ARHGEF7: variants seen among roughly 807,000 people sequenced by gnomAD.
ARHGEF7 encodes the protein Rho guanine nucleotide exchange factor 7.
In ARHGEF7, 33 loss-of-function variants were observed where a neutral mutation model predicts 109.8. The ratio of observed to expected loss-of-function variants is 0.30; its 90% CI spans 0.23 to 0.40. The LOEUF (loss-of-function observed/expected upper bound fraction) is 0.40, where lower values mean the gene tolerates loss of function less well. Among genes scored for constraint, ARHGEF7 ranks in the 10% least tolerant of loss-of-function variants. ARHGEF7 has a pLI of 1.00. For synonymous variants in ARHGEF7, 458 were observed against 424.6 expected, an observed-to-expected ratio of 1.08 and a Z score of -0.97; for missense variants, 938 against 1,098.5, an observed-to-expected ratio of 0.85 and a Z score of 2.07.
chr13:111,232,146 T>G (rs139954827), intron 5 of ARHGEF7, among the ~76,000 whole-genome samples: 2 of 152,274 alleles, frequency 1.3e-5, no homozygotes, highest in Admixed American at 1.3e-4. Flanking sequence ...CAACCATTGA[T>G]AGACCCACCC....
At chr13:111,205,154 T>C in intron 2 of ARHGEF7, 135 bp from the exon 3 acceptor site, 1 of 613,600 alleles carries the variant, frequency 1.6e-6, no homozygotes, top group Non-Finnish European at 2.8e-6. Flanking sequence ...CTGAGCGTGC[T>C]GGTCTCCCTG....
At chr13:111,176,183 G>A (rs1226640717) in intron 2 of ARHGEF7, among the ~76,000 whole-genome samples, 1 of 152,206 alleles carries the variant, frequency 6.6e-6, no homozygotes, top group Non-Finnish European at 1.5e-5. Flanking sequence ...GCCCCCTTCT[G>A]TAGGTTGATG....
intron 1 of ARHGEF7, among the ~76,000 whole-genome samples, chr13:111,149,313 AT>A (rs1566629561): frequency 6.6e-6 from 1 of 152,136 alleles, no homozygotes; most frequent in Non-Finnish European, 1.5e-5. Context: ...TTTATATGTA[AT>A]AATTTATAAA....
At chr13:111,158,995 C>T (rs2076549990) in intron 2 of ARHGEF7, 1 of 718,066 alleles carries the variant, frequency 1.4e-6, no homozygotes, top group Non-Finnish European at 2.6e-6. Context: ...ATTTTGTACC[C>T]TTTGACTAAC....
chr13:111,119,425 G>A (rs1440489584), intron 1 of ARHGEF7, among the ~76,000 whole-genome samples: 1 of 152,150 alleles, frequency 6.6e-6, no homozygotes, highest in African/African-American at 2.4e-5. Context: ...AGGTGCTAGG[G>A]GAGATTGCAA....
chr13:111,168,285 G>T lies in ARHGEF7; in HGVS notation c.252+14294G>T, dbSNP rs185504590. On this transcript the variant is annotated intron_variant, in intron 2 of 21. Transcript: ENST00000646102. ...TGTCTCTGCGGTGTGCGACAGCTGT[G>T]TGAGGCCCCACTGTGCGACAGCTGT... Among the ~76,000 whole-genome samples the T allele has an allele frequency of 6.6e-5, 10 of 152,234 alleles. No homozygotes were observed. The East Asian group carries it at 1.2e-3, about 18-fold the overall frequency.
At position 111,265,256 on chromosome 13, in the gene ARHGEF7, G is replaced by A. The variant is rs142222701; in HGVS notation, c.951-2292G>A. On this transcript the variant is annotated intron_variant, in intron 8 of 21. Transcript: ENST00000646102. ...CTTCCTGTGCTTTTCTGTCTCCACA[G>A]CTATTATAGGACGTACTGATAACAG... is the stretch of plus-strand genomic sequence containing the variant. Among the ~76,000 whole-genome samples, 266 of 152,208 alleles carry A rather than the reference G, an allele frequency of 1.7e-3. 3 individuals carry two copies. The highest frequency in any genetic ancestry group is 7.9e-3 in the East Asian group (41 of 5,188).
intron 2 of ARHGEF7, among the ~76,000 whole-genome samples, chr13:111,197,322 C>T (rs1197661391): frequency 1.3e-5 from 2 of 152,184 alleles, no homozygotes; most frequent in Admixed American, 1.3e-4. Flanking sequence ...ACACTAGTTT[C>T]CCTCCTAGAC....
intron 5 of ARHGEF7, among the ~76,000 whole-genome samples, chr13:111,227,651 C>T (rs949538837): frequency 6.6e-6 from 1 of 152,218 alleles, no homozygotes; most frequent in Non-Finnish European, 1.5e-5. Context: ...ACCAAGCCCT[C>T]AGCAACTTCA....
chr13:111,199,157 G>C (rs1036518846), intron 2 of ARHGEF7, among the ~76,000 whole-genome samples: 1 of 152,166 alleles, frequency 6.6e-6, no homozygotes, highest in African/African-American at 2.4e-5. Flanking sequence ...GCCTGCCCCT[G>C]CCTGTAGGAA....
At chr13:111,250,413 A>C (rs1280865267) in intron 8 of ARHGEF7, among the ~76,000 whole-genome samples, 3 of 152,166 alleles carry the variant, frequency 2.0e-5, no homozygotes, top group Admixed American at 1.3e-4. Flanking sequence ...GGTGAGGGAG[A>C]CAGATAATTG....
At position 111,252,470 on chromosome 13, in the gene ARHGEF7, C is replaced by T. The variant is rs180808058; in HGVS notation, c.950+8176C>T. 5.3e-5 allele frequency among the ~76,000 whole-genome samples: 8 copies of T among 152,310 alleles called. No homozygotes were observed. The East Asian group carries it at 1.5e-3, about 29-fold the overall frequency. On this transcript the variant is annotated intron_variant, in intron 8 of 21. Coordinates refer to ENST00000646102, the MANE Select transcript of ARHGEF7 (RefSeq NM_001354046.2). ...CTTCCTAGATGTCCAGTACAGAAGA[C>T]ATTACATGTTTTGCTGCAAATTAAA...
chr13:111,171,607 A>G (rs1458787927), intron 2 of ARHGEF7, among the ~76,000 whole-genome samples: 2 of 152,216 alleles, frequency 1.3e-5, no homozygotes, highest in Non-Finnish European at 2.9e-5. Context: ...TATGTGATGG[A>G]GTAAACATCA....
intron 13 of ARHGEF7, 100 bp from the exon 14 acceptor site, chr13:111,280,172 C>G: frequency 2.4e-6 from 3 of 1,251,582 alleles, no homozygotes; most frequent in Non-Finnish European, 3.3e-6. Flanking sequence ...CACAGTTCCT[C>G]CACCAATTCT....
intron 19 of ARHGEF7, among the ~76,000 whole-genome samples, chr13:111,295,834 T>C (rs567329278): frequency 6.6e-6 from 1 of 152,220 alleles, no homozygotes; most frequent in Admixed American, 6.5e-5. Flanking sequence ...TTCAGTTGAT[T>C]AGAGATGCAG....
At chr13:111,246,296 T>C (rs1275500978) in intron 8 of ARHGEF7, among the ~76,000 whole-genome samples, 1 of 152,216 alleles carries the variant, frequency 6.6e-6, no homozygotes, top group Non-Finnish European at 1.5e-5. Flanking sequence ...CAGAAAAGAC[T>C]ACAGTACATT....
chr13:111,159,205 T>C (rs2076566476), intron 2 of ARHGEF7: 1 of 635,256 alleles, frequency 1.6e-6, no homozygotes, highest in African/African-American at 1.8e-5. Context: ...TTGTTGCAAA[T>C]AACAGGATTT....
At chr13:111,242,544 A>C (rs2087969027) in intron 6 of ARHGEF7, among the ~76,000 whole-genome samples, 1 of 152,234 alleles carries the variant, frequency 6.6e-6, no homozygotes, top group Non-Finnish European at 1.5e-5. Context: ...CATGTACTAG[A>C]TGCGCAGAAA....
intron 5 of ARHGEF7, among the ~76,000 whole-genome samples, chr13:111,222,340 A>G (rs1566880101): frequency 1.3e-5 from 2 of 152,246 alleles, no homozygotes; most frequent in Non-Finnish European, 2.9e-5. Flanking sequence ...TGGTTGAACC[A>G]AAGGAATAAC....
Sources: allele counts gnomAD v4.1 joint callset (sites outside exome capture counted in the v4.1 genomes callset), GRCh38; gene constraint gnomAD v4.1.1; transcripts MANE v1.5; gene names NCBI Gene and HGNC (gene_info 2026-07-23, HGNC 2026-07-21).